RFPL1: variants seen among roughly 807,000 people sequenced by gnomAD.
RFPL1 encodes the protein ret finger protein-like 1.
Under a neutral mutation model 9.6 loss-of-function variants are expected in RFPL1, and 6 were observed. That is an observed-to-expected ratio of 0.62 (90% CI 0.34 to 1.23). The LOEUF is 1.23. RFPL1 is among the 50% of genes most tolerant of loss of function. RFPL1 has a pLI of 0.03. For synonymous variants in RFPL1, 145 were observed against 149.4 expected (o/e 0.97, Z 0.22); for missense variants, 352 against 398.4 (o/e 0.88, Z 0.99).
the RFPL1 span, among the ~76,000 whole-genome samples, chr22:29,432,052 G>A: frequency 2.2e-4 from 33 of 152,190 alleles, no homozygotes; most frequent in African/African-American, 7.5e-4. Flanking sequence ...AATCCAGTGC[G>A]CATTTTACAC....
At chr22:29,440,089 G>T (rs2146366706) in intron 1 of RFPL1, 1 of 152,318 alleles carries the variant, frequency 6.6e-6, no homozygotes, top group East Asian at 1.9e-4. Context: ...AAATGAAGAG[G>T]TTATGGTCAG....
the RFPL1 span, among the ~76,000 whole-genome samples, chr22:29,415,025 C>T: frequency 2.6e-5 from 4 of 152,064 alleles, no homozygotes; most frequent in Admixed American, 1.3e-4. Context: ...GATAAAGGCA[C>T]GCCCGTTCGT....
chr22:29,429,291 GCA>G, the RFPL1 span, among the ~76,000 whole-genome samples: 1,654 of 152,238 alleles, frequency 0.011, 31 homozygotes, highest in African/African-American at 0.038. Context: ...CCTGCTGCAA[GCA>G]ATCCTCCTAC....
the RFPL1 span, among the ~76,000 whole-genome samples, chr22:29,418,224 A>G: frequency 3.3e-5 from 5 of 151,774 alleles, no homozygotes; most frequent in African/African-American, 1.2e-4. Flanking sequence ...CACCGCACCC[A>G]GCCTCGAATG....
the RFPL1 span, among the ~76,000 whole-genome samples, chr22:29,409,094 A>G: frequency 1.3e-5 from 2 of 152,044 alleles, no homozygotes; most frequent in African/African-American, 4.8e-5. Flanking sequence ...CTTTATTTAG[A>G]CATAGTTGAC....
chr22:29,404,272 T>G, the RFPL1 span, among the ~76,000 whole-genome samples: 2 of 152,206 alleles, frequency 1.3e-5, no homozygotes, highest in African/African-American at 4.8e-5. Flanking sequence ...TCTCCTTAAC[T>G]TCAGTGGGTA....
chr22:29,392,992 A>G, the RFPL1 span, among the ~76,000 whole-genome samples: 10 of 152,326 alleles, frequency 6.6e-5, no homozygotes, highest in African/African-American at 1.9e-4. Context: ...GTATGGCACA[A>G]TCCCCCCTTG....
the RFPL1 span, among the ~76,000 whole-genome samples, chr22:29,393,523 T>C: frequency 6.6e-6 from 1 of 152,172 alleles, no homozygotes; most frequent in African/African-American, 2.4e-5. Flanking sequence ...CTAGCTACAC[T>C]GCCTGAGTCA....
the RFPL1 span, among the ~76,000 whole-genome samples, chr22:29,393,029 A>G: frequency 6.6e-6 from 1 of 152,206 alleles, no homozygotes; most frequent in African/African-American, 2.4e-5. Context: ...TATGGGAGAA[A>G]GATAAACAAA....
the RFPL1 span, among the ~76,000 whole-genome samples, chr22:29,411,754 C>T: frequency 6.6e-6 from 1 of 152,146 alleles, no homozygotes; most frequent in African/African-American, 2.4e-5. Flanking sequence ...GTTCCTCCAG[C>T]CCAGTCTGAG....
At chr22:29,422,825 ACTCT>A in the RFPL1 span, among the ~76,000 whole-genome samples, 1 of 113,918 alleles carries the variant, frequency 8.8e-6, no homozygotes, top group African/African-American at 3.6e-5. Flanking sequence ...ACACACACAC[ACTCT>A]CTCTCTGCTG....
the RFPL1 span, among the ~76,000 whole-genome samples, chr22:29,418,361 C>T: frequency 7.2e-5 from 11 of 152,206 alleles, no homozygotes; most frequent in Non-Finnish European, 1.0e-4. Context: ...GGCTGCACAC[C>T]GGTGACAAAT....
At chr22:29,438,536 A>C, upstream of RFPL1, 1 of 1,273,564 alleles carries the variant, frequency 7.9e-7, no homozygotes, top group Non-Finnish European at 1.0e-6. Flanking sequence ...GGGTTCCCCT[A>C]GGAGGAGGTG....
At chr22:29,399,005 C>T in the RFPL1 span, among the ~76,000 whole-genome samples, 1 of 152,140 alleles carries the variant, frequency 6.6e-6, no homozygotes, top group Non-Finnish European at 1.5e-5. Context: ...TTGGTCAAAG[C>T]GACCTCCAGA....
At chr22:29,425,068 G>T in the RFPL1 span, among the ~76,000 whole-genome samples, 7 of 151,634 alleles carry the variant, frequency 4.6e-5, no homozygotes, top group Admixed American at 3.9e-4. Flanking sequence ...GCCGGGCGTG[G>T]TGGCAGGCGC....
the RFPL1 span, among the ~76,000 whole-genome samples, chr22:29,405,640 C>T: frequency 3.2e-3 from 485 of 152,284 alleles, 3 homozygotes; most frequent in Non-Finnish European, 4.6e-3. Flanking sequence ...CTCAGATGTT[C>T]CTGGATCTCT....
At chr22:29,407,477 G>A in the RFPL1 span, among the ~76,000 whole-genome samples, 1 of 151,334 alleles carries the variant, frequency 6.6e-6, no homozygotes, top group Non-Finnish European at 1.5e-5. Context: ...TGTATGGTAA[G>A]ACTACATTTT....
In RFPL1 at chr22:29,439,109, G is replaced by C. The variant is rs758135440; in HGVS notation, c.318G>C (p.Leu106=). The C allele has an allele frequency of 3.1e-6, 5 of 1,614,132 alleles. No individual in the cohort carries two copies. In the East Asian group the frequency reaches 1.1e-4, roughly 36 times the overall value. The change falls in exon 1 of 2, where the codon CTG becomes CTC. Residue 106 remains leucine, a synonymous_variant. Transcript: ENST00000354373. ...GGCTGGCTTCCCACATCAAGGAACT[G>C]GAGCCCAAGCTGAAGAAGATTCTGC... is the stretch of plus-strand genomic sequence containing the variant.
chr22:29,411,515 T>C, the RFPL1 span, among the ~76,000 whole-genome samples: 1 of 152,270 alleles, frequency 6.6e-6, no homozygotes, highest in Admixed American at 6.5e-5. Flanking sequence ...CATTTTATCT[T>C]CTTCAAAGTA....
Sources: gnomAD v4.1 joint callset for allele counts (sites outside exome capture counted in the v4.1 genomes callset) on GRCh38, gnomAD v4.1.1 for gene constraint, MANE v1.5 for transcripts, NCBI Gene and HGNC (gene_info 2026-07-23, HGNC 2026-07-21) for gene names.